The following RABGAP1L variants were observed in gnomAD, a reference collection of about 807,000 sequenced individuals.
The protein encoded by RABGAP1L is RAB GTPase activating protein 1 like.
In RABGAP1L, 63 loss-of-function variants were observed where a neutral mutation model predicts 137.7. The observed-to-expected ratio is 0.46, with a 90% CI of 0.37 to 0.56. RABGAP1L has a LOEUF of 0.56. RABGAP1L is among the 20% of genes least tolerant of loss of function. RABGAP1L has a pLI of 0.00. For synonymous variants in RABGAP1L, 431 were observed against 433.7 expected (o/e 0.99, Z 0.08); for missense variants, 1,095 against 1,244.0 (o/e 0.88, Z 1.80).
chr1:174,213,449 G>A (rs1461505407), intron 1 of RABGAP1L, among the ~76,000 whole-genome samples: 1 of 152,100 alleles, frequency 6.6e-6, no homozygotes, highest in Non-Finnish European at 1.5e-5. Context: ...TAGAGGAGAA[G>A]GGAATACTTT....
rs564717740 is a variant in RABGAP1L at position 174,279,678 on chromosome 1, A to T, written c.1323+899A>T. The stretch of plus-strand genomic sequence containing the variant: ...CTTTCATAAAATTATTATGGCTGTT[A>T]TTTGACTCAGTTTTTATTACTGTGT... On this transcript the variant is annotated intron_variant, in intron 10 of 25. Transcript: ENST00000681986. 2.0e-3 allele frequency among the ~76,000 whole-genome samples: 299 copies of T among 152,242 alleles called. 1 individual carries two copies. The highest frequency in any genetic ancestry group is 6.8e-3 in the African/African-American group (283 of 41,532).
intron 1 of RABGAP1L, among the ~76,000 whole-genome samples, chr1:174,176,737 A>T (rs944494191): frequency 6.8e-5 from 9 of 132,886 alleles, no homozygotes; most frequent in African/African-American, 2.0e-4. Context: ...AAAAAAAAAA[A>T]AAAAAAAAAG....
intron 14 of RABGAP1L, 24 bp downstream of exon 14, chr1:174,637,512 T>A: frequency 1.3e-6 from 2 of 1,498,920 alleles, no homozygotes; most frequent in Non-Finnish European, 1.9e-6. Context: ...CCTCACTTTT[T>A]CTAAATTATT....
At chr1:174,224,995 T>C (rs948382306) in intron 3 of RABGAP1L, among the ~76,000 whole-genome samples, 6 of 152,124 alleles carry the variant, frequency 3.9e-5, no homozygotes, top group Non-Finnish European at 8.8e-5. Flanking sequence ...TTAACCAAAT[T>C]TGGGAGTTTT....
chr1:174,462,568 G>A (rs890238517), intron 13 of RABGAP1L, among the ~76,000 whole-genome samples: 2 of 151,932 alleles, frequency 1.3e-5, no homozygotes, highest in African/African-American at 4.8e-5. Flanking sequence ...GGGGCTATAT[G>A]TGCAAGTTTA....
chr1:174,492,059 T>C (rs1355214888), intron 13 of RABGAP1L, among the ~76,000 whole-genome samples: 2 of 152,168 alleles, frequency 1.3e-5, no homozygotes, highest in Non-Finnish European at 2.9e-5. Context: ...CTTACCTGAT[T>C]TTTGGTTCTT....
At chr1:174,984,994 A>G (rs1574078899) in intron 24 of RABGAP1L, among the ~76,000 whole-genome samples, 1 of 152,352 alleles carries the variant, frequency 6.6e-6, no homozygotes, top group South Asian at 2.1e-4. Flanking sequence ...TGATTAGAAT[A>G]TGTATTAAGG....
chr1:174,220,609 A>C (rs181050869), intron 2 of RABGAP1L: 4 of 155,580 alleles, frequency 2.6e-5, no homozygotes, highest in Admixed American at 1.3e-4. Context: ...CGAAGTTTGC[A>C]ATAAGCTGAG....
At chr1:174,358,943 A>G (rs1467708485) in intron 11 of RABGAP1L, among the ~76,000 whole-genome samples, 2 of 152,186 alleles carry the variant, frequency 1.3e-5, no homozygotes, top group African/African-American at 4.8e-5. Flanking sequence ...TTATAATTAT[A>G]ATATGACGTG....
chr1:174,825,709 C>G (rs569492689), intron 19 of RABGAP1L, among the ~76,000 whole-genome samples: 1 of 152,304 alleles, frequency 6.6e-6, no homozygotes, highest in South Asian at 2.1e-4. Flanking sequence ...ATGGCAAAAC[C>G]CCATCTCTAC....
intron 13 of RABGAP1L, among the ~76,000 whole-genome samples, chr1:174,522,856 T>C (rs1663543834): frequency 6.6e-6 from 1 of 152,198 alleles, no homozygotes; most frequent in Admixed American, 6.5e-5. Flanking sequence ...GAGGATAGCA[T>C]GAAGAGGATG....
At chr1:174,214,532 T>A (rs370592691) in intron 1 of RABGAP1L, among the ~76,000 whole-genome samples, 5 of 152,102 alleles carry the variant, frequency 3.3e-5, no homozygotes, top group East Asian at 1.9e-4. Context: ...TAGCCAAAAC[T>A]ATCCTAAGCA....
intron 13 of RABGAP1L, among the ~76,000 whole-genome samples, chr1:174,426,278 G>A (rs1200953436): frequency 1.3e-5 from 2 of 152,004 alleles, no homozygotes; most frequent in Non-Finnish European, 2.9e-5. Context: ...TAAGGAAAAT[G>A]TAATTCAACC....
chr1:174,804,264 G>GTTTTGTTTTGTT lies in RABGAP1L; in HGVS notation c.2212-7558_2212-7547dup, dbSNP rs1323792259. Reference sequence around the variant, plus strand: ...CGGATGTTTTTTTTTTGTTTGTTTTGTTTTGTTTTGTTTTTTGTTTTTTTT... The same window carrying GTTTTGTTTTGTT: ...CGGATGTTTTTTTTTTGTTTGTTTTGTTTTGTTTTGTTTTTTGTTTTGTTTTTTGTTTTTTTT... On this transcript the variant is annotated intron_variant, in intron 18 of 25. Coordinates refer to ENST00000681986, the MANE Select transcript of RABGAP1L (RefSeq NM_001366446.1). Among the ~76,000 whole-genome samples the GTTTTGTTTTGTT allele has an allele frequency of 1.0e-4, 5 of 49,710 alleles. No individual in the cohort carries two copies. The East Asian group carries it at 6.6e-3, about 65-fold the overall frequency. 32.6% of individuals were successfully genotyped at this position (49,710 alleles called of 152,430 possible).
chr1:174,820,788 G>A (rs565113019), intron 19 of RABGAP1L, among the ~76,000 whole-genome samples: 1 of 152,152 alleles, frequency 6.6e-6, no homozygotes, highest in South Asian at 2.1e-4. Flanking sequence ...AGGCTGAGGC[G>A]GGCAGATCGC....
At chr1:174,438,703 G>A in intron 13 of RABGAP1L, among the ~76,000 whole-genome samples, 1 of 133,444 alleles carries the variant, frequency 7.5e-6, no homozygotes, top group Non-Finnish European at 1.5e-5. Context: ...GGGAGACACA[G>A]CAAGACTCTG....
At position 174,790,895 on chromosome 1, in the gene RABGAP1L, G is replaced by GA. The variant is rs113966397; in HGVS notation, c.2212-20927dup. On this transcript the variant is annotated intron_variant, in intron 18 of 25. Transcript: ENST00000681986. ...CACAACATGGACTTGTCCATTTCAA[G>GA]AAAAAAAAAATGAGGCTGAGCGTGG... is the stretch of plus-strand genomic sequence containing the variant. 5.6e-4 allele frequency among the ~76,000 whole-genome samples: 84 copies of GA among 148,752 alleles called. No homozygotes were observed. In the South Asian group the frequency reaches 0.012, roughly 22 times the overall value.
intron 11 of RABGAP1L, among the ~76,000 whole-genome samples, chr1:174,332,412 T>TTTA (rs1681108567): frequency 1.5e-5 from 2 of 132,212 alleles, no homozygotes; most frequent in Non-Finnish European, 3.4e-5. Context: ...TTATTTATTT[T>TTTA]TTGAGACGGA....
intron 19 of RABGAP1L, among the ~76,000 whole-genome samples, chr1:174,878,612 T>C (rs1558181459): frequency 6.6e-6 from 1 of 152,128 alleles, no homozygotes; most frequent in Non-Finnish European, 1.5e-5. Flanking sequence ...AAAGAGTATA[T>C]CATAACATTT....
Sources: gnomAD v4.1 joint callset for allele counts (sites outside exome capture counted in the v4.1 genomes callset) on GRCh38, gnomAD v4.1.1 for gene constraint, MANE v1.5 for transcripts, NCBI Gene and HGNC (gene_info 2026-07-23, HGNC 2026-07-21) for gene names.